TMOD3: variants seen among roughly 807,000 people sequenced by gnomAD.
The protein encoded by TMOD3 is tropomodulin 3.
TMOD3 carries 20 observed loss-of-function variants against 39.2 expected under a neutral mutation model. The ratio of observed to expected loss-of-function variants is 0.51; its 90% CI spans 0.36 to 0.74. TMOD3 has a LOEUF of 0.74. Among genes scored for constraint, TMOD3 ranks in the 30% least tolerant of loss-of-function variants. TMOD3 has a pLI of 0.00. For missense variants in TMOD3, 381 were observed against 412.8 expected, an observed-to-expected ratio of 0.92 and a Z score of 0.67; for synonymous variants, 143 against 145.8, an observed-to-expected ratio of 0.98 and a Z score of 0.14.
intron 2 of TMOD3, among the ~76,000 whole-genome samples, chr15:51,866,608 A>G (rs1388321107): frequency 6.6e-6 from 1 of 152,246 alleles, no homozygotes; most frequent in African/African-American, 2.4e-5. Flanking sequence ...AGGCAGGTAG[A>G]GTAGTGCAAA....
intron 1 of TMOD3, chr15:51,858,441 A>T (rs2056399086): frequency 6.6e-6 from 1 of 152,154 alleles, no homozygotes; most frequent in African/African-American, 2.4e-5. Flanking sequence ...AAAAAAAAAA[A>T]AATTCAAGAT....
chr15:51,840,986 G>C (rs540680507), intron 1 of TMOD3, among the ~76,000 whole-genome samples: 2 of 152,292 alleles, frequency 1.3e-5, no homozygotes, highest in East Asian at 1.9e-4. Context: ...TTTAGAGGAA[G>C]TGTGATATTG....
At chr15:51,879,188 T>C (rs1299963037) in intron 3 of TMOD3, among the ~76,000 whole-genome samples, 2 of 152,208 alleles carry the variant, frequency 1.3e-5, no homozygotes, top group African/African-American at 2.4e-5. Flanking sequence ...ATTACTGTTA[T>C]ATGAATTCTT....
chr15:51,836,769 G>A (rs1009888207), intron 1 of TMOD3, among the ~76,000 whole-genome samples: 1 of 151,086 alleles, frequency 6.6e-6, no homozygotes, highest in African/African-American at 2.4e-5. Context: ...CTGAAATACA[G>A]TCAAGGTTCC....
chr15:51,889,380 A>G (rs1430313014), intron 5 of TMOD3, among the ~76,000 whole-genome samples: 1 of 152,266 alleles, frequency 6.6e-6, no homozygotes, highest in East Asian at 1.9e-4. Flanking sequence ...ATAATGCTAA[A>G]CAGTATAAAA....
chr15:51,885,837 G>A (rs989584247), intron 3 of TMOD3, among the ~76,000 whole-genome samples: 2 of 151,164 alleles, frequency 1.3e-5, no homozygotes, highest in African/African-American at 4.9e-5. Context: ...GCCGGACAGA[G>A]GGGCTCCCCA....
intron 3 of TMOD3, among the ~76,000 whole-genome samples, chr15:51,885,431 C>G (rs993696783): frequency 5.3e-5 from 8 of 152,036 alleles, no homozygotes; most frequent in Admixed American, 4.6e-4. Flanking sequence ...GGCAGAGGAC[C>G]CTGCGGCCTT....
At chr15:51,874,445 A>G (rs929782178) in intron 3 of TMOD3, among the ~76,000 whole-genome samples, 2 of 152,186 alleles carry the variant, frequency 1.3e-5, no homozygotes, top group African/African-American at 4.8e-5. Flanking sequence ...TTCCTCCTTA[A>G]AATTTTGCAG....
intron 3 of TMOD3, among the ~76,000 whole-genome samples, chr15:51,880,106 C>A (rs2056525614): frequency 6.6e-6 from 1 of 152,046 alleles, no homozygotes; most frequent in South Asian, 2.1e-4. Flanking sequence ...TATTTTATGT[C>A]ATATGAAATT....
At chr15:51,876,987 T>G (rs2056507601) in intron 3 of TMOD3, among the ~76,000 whole-genome samples, 1 of 152,212 alleles carries the variant, frequency 6.6e-6, no homozygotes, top group South Asian at 2.1e-4. Context: ...GGCTTGAGCC[T>G]ACGAGTTCAT....
intron 5 of TMOD3, among the ~76,000 whole-genome samples, chr15:51,890,252 T>C (rs1264353265): frequency 6.6e-6 from 1 of 151,106 alleles, no homozygotes; most frequent in Non-Finnish European, 1.5e-5. Flanking sequence ...TACTGCAACC[T>C]CCGCCTCTCA....
intron 1 of TMOD3, among the ~76,000 whole-genome samples, chr15:51,859,009 C>A (rs2056402388): frequency 6.6e-6 from 1 of 152,060 alleles, no homozygotes; most frequent in Admixed American, 6.6e-5. Context: ...ATCATAAAAT[C>A]TTTTTTTAAA....
chr15:51,833,453 AC>A, intron 1 of TMOD3: 1 of 152,358 alleles, frequency 6.6e-6, no homozygotes, highest in East Asian at 1.9e-4. Flanking sequence ...AATTGTATAC[AC>A]TGTAACTTCT....
Position 51,887,684 on chromosome 15 carries a change from T to A in TMOD3, c.379T>A (p.Ser127Thr). 6.2e-7 allele frequency: 1 copy of A among 1,613,930 alleles called. No homozygotes were observed. Among genetic ancestry groups the A allele is most frequent in the Non-Finnish European group, 8.5e-7 (1 of 1,179,958 alleles). The change falls in exon 4 of 10, where the codon TCT becomes ACT. Residue 127 changes from serine (S) to threonine (T), a missense_variant. Transcript: ENST00000308580. ...ATTAGAAGAAGCTTTGACAAGTGCT[T>A]CTGATACAGAATTGTGTGACCTCGC... Reference protein sequence around the residue: ...PELEEALTSASDTELCDLAAI... With the variant: ...PELEEALTSATDTELCDLAAI...
At chr15:51,861,639 T>A (rs756239642) in intron 1 of TMOD3, among the ~76,000 whole-genome samples, 4 of 151,960 alleles carry the variant, frequency 2.6e-5, no homozygotes, top group Non-Finnish European at 4.4e-5. Flanking sequence ...GTGTATTTAT[T>A]TCCATAGGTA....
intron 1 of TMOD3, chr15:51,859,969 A>T: frequency 1.8e-6 from 1 of 545,738 alleles, no homozygotes; most frequent in Non-Finnish European, 3.7e-6. Context: ...TCTTCTTAGT[A>T]AATCTTTCCA....
intron 1 of TMOD3, among the ~76,000 whole-genome samples, chr15:51,852,305 A>G (rs1222545567): frequency 2.0e-5 from 3 of 152,214 alleles, no homozygotes; most frequent in Non-Finnish European, 4.4e-5. Flanking sequence ...AGGAGAAGCC[A>G]GTGAGGAAAA....
chr15:51,889,733 G>A (rs1318051241), intron 5 of TMOD3, among the ~76,000 whole-genome samples: 1 of 152,132 alleles, frequency 6.6e-6, no homozygotes, highest in African/African-American at 2.4e-5. Context: ...GGGCATGGTG[G>A]CACATGTCTC....
chr15:51,897,335 A>G (rs982178796), intron 7 of TMOD3, among the ~76,000 whole-genome samples: 2 of 151,902 alleles, frequency 1.3e-5, no homozygotes, highest in African/African-American at 4.8e-5. Flanking sequence ...CTACCTCCTC[A>G]GCAGCTTTAC....
Sources: allele counts gnomAD v4.1 joint callset (sites outside exome capture counted in the v4.1 genomes callset), GRCh38; gene constraint gnomAD v4.1.1; transcripts MANE v1.5; gene names NCBI Gene and HGNC (gene_info 2026-07-23, HGNC 2026-07-21).